The following PHF2 variants were observed in gnomAD, a reference collection of about 807,000 sequenced individuals.
PHF2 encodes lysine-specific demethylase PHF2.
A neutral mutation model predicts 120.5 loss-of-function variants in PHF2; 27 were observed. The observed-to-expected ratio is 0.22, with a 90% CI of 0.17 to 0.31. PHF2 has a LOEUF of 0.31. Among genes scored for constraint, PHF2 ranks in the 10% least tolerant of loss-of-function variants. PHF2 has a pLI of 1.00. For missense variants in PHF2, 1,024 were observed against 1,434.8 expected (o/e 0.71, Z 4.63); for synonymous variants, 568 against 592.5 (o/e 0.96, Z 0.60).
chr9:93,593,740 A>G (rs1394602523), intron 1 of PHF2, among the ~76,000 whole-genome samples: 1 of 152,250 alleles, frequency 6.6e-6, no homozygotes, highest in East Asian at 1.9e-4. Flanking sequence ...TGATGTTTAC[A>G]GCAAGGCTTT....
chr9:93,630,973 T>A (rs2131653406), intron 2 of PHF2, among the ~76,000 whole-genome samples: 1 of 152,268 alleles, frequency 6.6e-6, no homozygotes, highest in East Asian at 1.9e-4. Flanking sequence ...TGCATCTGGC[T>A]CCAGGTCACA....
chr9:93,621,218 C>T (rs555086868), intron 1 of PHF2, among the ~76,000 whole-genome samples: 14 of 152,240 alleles, frequency 9.2e-5, no homozygotes, highest in Admixed American at 9.2e-4. Flanking sequence ...GGTCACCCCC[C>T]ACAACCCTGG....
At chr9:93,609,466 A>C (rs1164886303) in intron 1 of PHF2, among the ~76,000 whole-genome samples, 3 of 151,856 alleles carry the variant, frequency 2.0e-5, no homozygotes, top group Non-Finnish European at 2.9e-5. Context: ...ACTGGTGACA[A>C]ATTTTCTGAA....
rs375181081 is a variant in PHF2 at position 93,636,469 on chromosome 9, C to G, written c.243C>G (p.Pro81=). 6.2e-7 allele frequency: 1 copy of G among 1,609,798 alleles called. No homozygotes were observed. The highest frequency in any genetic ancestry group is 1.1e-5 in the South Asian group (1 of 90,162). The stretch of plus-strand genomic sequence containing the variant: ...CGGGGCAAGCGCCTGACGTCAAGCC[C>G]GTGCAGAATGGCAGCCAGCTCTTCA... The part of the protein sequence containing the change: ...HGPGQAPDVK[P]VQNGSQLFIK... Residue 81 remains proline, a synonymous_variant, in exon 3 of 22, where the codon CCC becomes CCG. Transcript: ENST00000359246.
At position 93,590,442 on chromosome 9, in the gene PHF2, G is replaced by T. The variant is rs149478840; in HGVS notation, c.98+13571G>T. 1.0e-3 allele frequency among the ~76,000 whole-genome samples: 157 copies of T among 152,312 alleles called. 2 individuals are homozygous for T. The highest frequency in any genetic ancestry group is 6.8e-3 in the Middle Eastern group (2 of 294). On this transcript the variant is annotated intron_variant, in intron 1 of 21. Transcript: ENST00000359246. Reference sequence around the variant, plus strand: ...CCACTCCTGCCCCAGAGCTGGTGGAGCCCCACAGAACTCCAGGGCAGGTGC... The same window carrying T: ...CCACTCCTGCCCCAGAGCTGGTGGATCCCCACAGAACTCCAGGGCAGGTGC...
chr9:93,613,761 G>T (rs1174636714), intron 1 of PHF2, among the ~76,000 whole-genome samples: 1 of 151,862 alleles, frequency 6.6e-6, no homozygotes, highest in Non-Finnish European at 1.5e-5. Flanking sequence ...TTTGTAGAGA[G>T]AGTCTTATTG....
At chr9:93,644,313 G>T (rs149371047) in intron 3 of PHF2, among the ~76,000 whole-genome samples, 2 of 151,724 alleles carry the variant, frequency 1.3e-5, no homozygotes, top group Non-Finnish European at 1.5e-5. Context: ...TTAAAACCTG[G>T]GAGGCAGAGG....
chr9:93,579,741 C>G (rs1047059638), intron 1 of PHF2, among the ~76,000 whole-genome samples: 4 of 152,206 alleles, frequency 2.6e-5, no homozygotes, highest in Admixed American at 1.3e-4. Context: ...CCAGCCAGCC[C>G]CGTTTTGGGG....
At position 93,620,177 on chromosome 9, in the gene PHF2, C is replaced by T. The variant is rs545408491; in HGVS notation, c.99-9793C>T. On this transcript the variant is annotated intron_variant, in intron 1 of 21. Coordinates refer to ENST00000359246, the MANE Select transcript of PHF2 (RefSeq NM_005392.4). ...GGAGTGTACAAGGCTAGGTGGCCAGCGGCCTGCAGAGGGCTCCAGCTCCTG... is the reference window on the plus strand; with the variant it reads ...GGAGTGTACAAGGCTAGGTGGCCAGTGGCCTGCAGAGGGCTCCAGCTCCTG... Among the ~76,000 whole-genome samples, 32 of 152,322 alleles carry T rather than the reference C, an allele frequency of 2.1e-4. No individual in the cohort carries two copies. In the East Asian group the frequency reaches 5.2e-3, roughly 25 times the overall value.
intron 1 of PHF2, among the ~76,000 whole-genome samples, chr9:93,625,621 G>A (rs1161967108): frequency 6.6e-6 from 1 of 151,766 alleles, no homozygotes; most frequent in Non-Finnish European, 1.5e-5. Flanking sequence ...AGGGCCACAG[G>A]TATGTGTCAC....
At chr9:93,664,222 G>A (rs974963619) in intron 14 of PHF2, among the ~76,000 whole-genome samples, 3 of 152,274 alleles carry the variant, frequency 2.0e-5, no homozygotes, top group African/African-American at 7.2e-5. Context: ...TGCTGAGAAC[G>A]TGACCCACCT....
intron 1 of PHF2, among the ~76,000 whole-genome samples, chr9:93,624,257 G>GTGATGGTGT (rs1407526753): frequency 1.6e-4 from 25 of 152,348 alleles, no homozygotes; most frequent in Admixed American, 5.9e-4. Context: ...GATGGAGTTT[G>GTGATGGTGT]TGATGGTGTT....
intron 1 of PHF2, 30 bp downstream of exon 1, chr9:93,576,901 C>A: frequency 1.1e-6 from 1 of 882,910 alleles, no homozygotes; most frequent in Non-Finnish European, 1.4e-6. Flanking sequence ...TCGGCTCGGC[C>A]CGGCCCGGCC....
intron 2 of PHF2, among the ~76,000 whole-genome samples, chr9:93,630,684 CAGGTGAGCTGG>C (rs1393296600): frequency 6.6e-6 from 1 of 152,178 alleles, no homozygotes; most frequent in African/African-American, 2.4e-5. Context: ...CAGGTTCAGC[CAGGTGAGCTGG>C]AGGTTATATG....
intron 20 of PHF2, 138 bp from the exon 21 acceptor site, chr9:93,676,456 C>A: frequency 9.7e-7 from 1 of 1,033,874 alleles, no homozygotes; most frequent in Non-Finnish European, 1.4e-6. Context: ...CCCTGGCGGC[C>A]CAGAGTCAGG....
rs1587717093 is a variant in PHF2 at position 93,665,689 on chromosome 9, C to G, written c.1941C>G (p.Ser647=). 6.2e-7 allele frequency: 1 copy of G among 1,613,654 alleles called. No individual in the cohort carries two copies. Among genetic ancestry groups the G allele is most frequent in the East Asian group, 2.2e-5 (1 of 44,862 alleles). The change falls in exon 15 of 22, where the codon TCC becomes TCG. Residue 647 remains serine (S), a synonymous_variant. Transcript: ENST00000359246. The part of the protein sequence containing the change: ...FSFSNKKLLG[S]KALRPPTSPG... ...GACCCACTCGCTTCTGCCCTAGCTCCAAGGCTCTCAGGCCCCCGACGAGCC... is the reference window on the plus strand; with the variant it reads ...GACCCACTCGCTTCTGCCCTAGCTCGAAGGCTCTCAGGCCCCCGACGAGCC...
At chr9:93,618,021 C>T (rs1825755517) in intron 1 of PHF2, among the ~76,000 whole-genome samples, 1 of 152,262 alleles carries the variant, frequency 6.6e-6, no homozygotes, top group Admixed American at 6.5e-5. Context: ...ATCAAGTTGA[C>T]AGTCAGTCAC....
chr9:93,593,528 G>A (rs1172726854), intron 1 of PHF2, among the ~76,000 whole-genome samples: 1 of 152,046 alleles, frequency 6.6e-6, no homozygotes, highest in Admixed American at 6.5e-5. Context: ...AACCTGCTTT[G>A]GATTTTTTAA....
chr9:93,582,804 T>G (rs1259382700), intron 1 of PHF2, among the ~76,000 whole-genome samples: 2 of 152,236 alleles, frequency 1.3e-5, no homozygotes, highest in Admixed American at 1.3e-4. Context: ...GGAAGCAATT[T>G]GGTGTGAGCC....
Sources: gnomAD v4.1 joint callset for allele counts (sites outside exome capture counted in the v4.1 genomes callset) on GRCh38, gnomAD v4.1.1 for gene constraint, MANE v1.5 for transcripts, NCBI Gene and HGNC (gene_info 2026-07-23, HGNC 2026-07-21) for gene names.